FBRSL1: variants seen among roughly 807,000 people sequenced by gnomAD.
The protein encoded by FBRSL1 is fibrosin-1-like protein.
A neutral mutation model predicts 89.6 loss-of-function variants in FBRSL1; 51 were observed. The observed-to-expected ratio is 0.57, with a 90% CI of 0.45 to 0.72. The LOEUF (loss-of-function observed/expected upper bound fraction) is 0.72, where lower values mean the gene tolerates loss of function less well. FBRSL1 is among the 30% of genes least tolerant of loss of function. FBRSL1 has a pLI of 0.00. For synonymous variants in FBRSL1, 779 were observed against 681.1 expected (o/e 1.14, Z -2.24); for missense variants, 1,618 against 1,451.8 (o/e 1.11, Z -1.86).
At chr12:132,545,384 A>G (rs559094980) in intron 4 of FBRSL1, among the ~76,000 whole-genome samples, 1 of 152,346 alleles carries the variant, frequency 6.6e-6, no homozygotes, top group African/African-American at 2.4e-5. Context: ...ACTCCACTGC[A>G]GTTAAACATT....
rs946813597 is a variant in FBRSL1, at chr12:132,564,852, A to G, written c.646-2629A>G. 3.3e-5 allele frequency among the ~76,000 whole-genome samples: 5 copies of G among 151,428 alleles called. 1 individual carries two copies. The highest frequency in any genetic ancestry group is 7.3e-5 in the African/African-American group (3 of 40,974). ...CACCGTGTTGGCCAGGATGGTCTCGATCTGCTGACCTCGTGATCCGCCGGC... is the reference window on the plus strand; with the variant it reads ...CACCGTGTTGGCCAGGATGGTCTCGGTCTGCTGACCTCGTGATCCGCCGGC... On this transcript the variant is annotated intron_variant, in intron 5 of 18. Transcript: ENST00000680143.
chr12:132,509,654 C>T, intron 2 of FBRSL1: 2 of 1,231,626 alleles, frequency 1.6e-6, no homozygotes, highest in Non-Finnish European at 2.0e-6. Flanking sequence ...GCCTGCGGTT[C>T]CTCCTGGCCC....
At chr12:132,580,878 G>C in intron 15 of FBRSL1, 1 of 984,792 alleles carries the variant, frequency 1.0e-6, no homozygotes, top group Non-Finnish European at 1.2e-6. Context: ...CCAGGGCCCG[G>C]GCCCAGGCCC....
intron 2 of FBRSL1, chr12:132,510,380 C>T (rs985380373): frequency 8.1e-6 from 10 of 1,231,804 alleles, no homozygotes; most frequent in Middle Eastern, 6.2e-4. Flanking sequence ...CCCTGCGGTC[C>T]CGGTGGACCC....
At chr12:132,506,258 T>C (rs565015042) in intron 1 of FBRSL1, among the ~76,000 whole-genome samples, 1 of 152,170 alleles carries the variant, frequency 6.6e-6, no homozygotes, top group South Asian at 2.1e-4. Context: ...CAGAAATCTT[T>C]ATATTTTTTT....
intron 2 of FBRSL1, among the ~76,000 whole-genome samples, chr12:132,515,528 A>C (rs12320694): frequency 7.6e-6 from 1 of 131,732 alleles, no homozygotes; most frequent in African/African-American, 2.8e-5. Context: ...ACCTTAAGAA[A>C]CCAAAAAAAA....
At chr12:132,495,617 G>A (rs889813834) in intron 1 of FBRSL1, among the ~76,000 whole-genome samples, 3 of 152,346 alleles carry the variant, frequency 2.0e-5, no homozygotes, top group South Asian at 2.1e-4. Flanking sequence ...CATGGGGCAG[G>A]GGTGCGGAGC....
rs536234200 is a variant in FBRSL1 at position 132,510,924 on chromosome 12, C to T, written c.489+2574C>T. 2.8e-5 allele frequency: 28 copies of T among 998,006 alleles called. No individual in the cohort carries two copies. In the East Asian group the frequency reaches 4.4e-4, roughly 16 times the overall value. 61.8% of individuals were successfully genotyped at this position (998,006 alleles called of 1,614,324 possible). A position where few individuals can be genotyped will look rare whatever the true frequency, so the allele number is the denominator to read the frequency against. ...CCCCTGGCGTGCCACCTGTGCGGAG[C>T]GCGTGAGCCTGGTGTGTGCGTGCTG... is the stretch of plus-strand genomic sequence containing the variant. On this transcript the variant is annotated intron_variant, in intron 2 of 18. Coordinates refer to ENST00000680143, the MANE Select transcript of FBRSL1 (RefSeq NM_001367871.1).
At chr12:132,570,681 A>G in intron 8 of FBRSL1, 141 bp downstream of exon 8, 1 of 767,760 alleles carries the variant, frequency 1.3e-6, no homozygotes, top group Non-Finnish European at 2.0e-6. Context: ...TGGTTCCCCC[A>G]GGTGTGCCTT....
chr12:132,574,114 C>T lies in FBRSL1; in HGVS notation c.1555C>T (p.Arg519Cys), dbSNP rs182041558. 4.1e-5 allele frequency: 55 copies of T among 1,356,608 alleles called. No homozygotes were observed. In the African/African-American group the frequency reaches 5.9e-4, roughly 14 times the overall value. 84.0% of individuals were successfully genotyped at this position (1,356,608 alleles called of 1,614,324 possible). A position where few individuals can be genotyped will look rare whatever the true frequency, so the allele number is the denominator to read the frequency against. Residue 519 changes from arginine (R) to cysteine (C), a missense_variant, in exon 12 of 19, where the codon CGC (arginine) becomes TGC (cysteine). Physicochemically the swap from Arg to Cys is radical, Grantham distance 180. Coordinates refer to ENST00000680143, the MANE Select transcript of FBRSL1 (RefSeq NM_001367871.1). Reference sequence around the variant, plus strand: ...GACTTCAAGCCCCATTGAGGTGGCCCGCCGGGCTGGTGCGGTTCACACACT... The same window carrying T: ...GACTTCAAGCCCCATTGAGGTGGCCTGCCGGGCTGGTGCGGTTCACACACT... Reference protein sequence around the residue: ...PKTSSPIEVARRAGAVHTLLQ... With the variant: ...PKTSSPIEVACRAGAVHTLLQ...
At chr12:132,528,547 A>C (rs567220682) in intron 4 of FBRSL1, among the ~76,000 whole-genome samples, 61 of 148,654 alleles carry the variant, frequency 4.1e-4, no homozygotes, top group Non-Finnish European at 6.0e-5. Context: ...TGCAGCCTTC[A>C]TGACGGGTGT....
Position 132,583,179 on chromosome 12 carries a change from C to T in FBRSL1, c.2410C>T (p.His804Tyr), listed in dbSNP as rs1176804361. 1.4e-6 allele frequency: 2 copies of T among 1,453,656 alleles called. No individual in the cohort carries two copies. Among genetic ancestry groups the T allele is most frequent in the Admixed American group, 2.5e-5 (1 of 40,618 alleles). The allele number at this position is 1,453,656 out of a possible 1,614,324, so 90.0% of individuals were successfully genotyped here. A position where few individuals can be genotyped will look rare whatever the true frequency, so the allele number is the denominator to read the frequency against. ...GATGCCCGCGCGCGCATCCCCGCCC[C>T]ACAGCAAGGCGGCCCCTGGAGACGT... is the stretch of plus-strand genomic sequence containing the variant. The part of the protein sequence containing the change: ...AKMPARASPP[H>Y]SKAAPGDVKV... The change falls in exon 19 of 19, where the codon CAC becomes TAC. Residue 804 changes from histidine (H) to tyrosine (Y), a missense_variant. Transcript: ENST00000680143.
At chr12:132,548,859 G>A (rs1813298939) in intron 5 of FBRSL1, among the ~76,000 whole-genome samples, 1 of 152,234 alleles carries the variant, frequency 6.6e-6, no homozygotes, top group Admixed American at 6.5e-5. Context: ...GCAGAGGCCC[G>A]AGGCGGACTG....
intron 2 of FBRSL1, chr12:132,511,034 G>T: frequency 1.0e-6 from 1 of 986,268 alleles, no homozygotes. Flanking sequence ...CCTGCAGAGT[G>T]GCCCAGTGGC....
At chr12:132,525,879 G>A in intron 3 of FBRSL1, 56 bp downstream of exon 3, 1 of 1,397,676 alleles carries the variant, frequency 7.2e-7, no homozygotes, top group Non-Finnish European at 9.9e-7. Context: ...CCTGCCCGCT[G>A]CGCCCCGCAC....
At chr12:132,550,597 T>C (rs1202281140) in intron 5 of FBRSL1, 1 of 152,228 alleles carries the variant, frequency 6.6e-6, no homozygotes, top group African/African-American at 2.4e-5. Context: ...CTGAGGGGTG[T>C]GTCCCAGGCT....
Position 132,581,427 on chromosome 12 carries a change from T to C in FBRSL1, c.1835-12T>C, listed in dbSNP as rs1456358957. 6.4e-7 allele frequency: 1 copy of C among 1,550,732 alleles called. No individual in the cohort carries two copies. Among genetic ancestry groups the C allele is most frequent in the East Asian group, 2.4e-5 (1 of 40,912 alleles). ...TCTCCTGGCTTCTGTCAAACCTGGC[T>C]GCCCCCCCCAGGTGCCGCCCATCCT... is the stretch of plus-strand genomic sequence containing the variant. On this transcript the variant is annotated splice_polypyrimidine_tract_variant and intron_variant, in intron 15 of 18. Coordinates refer to ENST00000680143, the MANE Select transcript of FBRSL1 (RefSeq NM_001367871.1).
intron 3 of FBRSL1, among the ~76,000 whole-genome samples, chr12:132,527,639 G>T (rs1251127404): frequency 2.7e-5 from 4 of 149,450 alleles, no homozygotes; most frequent in Non-Finnish European, 4.5e-5. Context: ...AGGGTTGAGG[G>T]CTGCGGGGCT....
intron 2 of FBRSL1, among the ~76,000 whole-genome samples, chr12:132,523,916 AC>A (rs753484819): frequency 4.7e-4 from 71 of 152,128 alleles, no homozygotes; most frequent in Non-Finnish European, 8.1e-4. Context: ...CAAGTGTGGG[AC>A]CCGGTGGGCA....
Sources: allele counts gnomAD v4.1 joint callset (sites outside exome capture counted in the v4.1 genomes callset), GRCh38; gene constraint gnomAD v4.1.1; transcripts MANE v1.5; gene names NCBI Gene and HGNC (gene_info 2026-07-23, HGNC 2026-07-21).